IQCK: variants seen among roughly 807,000 people sequenced by gnomAD.
IQCK encodes IQ motif containing K, also known as IQ domain-containing protein K.
Under a neutral mutation model 28.1 loss-of-function variants are expected in IQCK, and 29 were observed. The ratio of observed to expected loss-of-function variants is 1.03; its 90% confidence interval spans 0.77 to 1.41. The LOEUF is 1.41. Among genes scored for constraint, IQCK ranks in the 40% most tolerant of loss-of-function variants. IQCK has a pLI of 0.00. For missense variants in IQCK, 359 were observed against 314.7 expected (o/e 1.14, Z -1.07); for synonymous variants, 113 against 115.1 (o/e 0.98, Z 0.12).
At chr16:19,803,509 T>G (rs1284411866) in intron 7 of IQCK, among the ~76,000 whole-genome samples, 1 of 152,194 alleles carries the variant, frequency 6.6e-6, no homozygotes, top group Non-Finnish European at 1.5e-5. Flanking sequence ...GACCCACTGA[T>G]GTATTGGAAT....
chr16:19,806,541 A>C (rs576887286), intron 7 of IQCK, among the ~76,000 whole-genome samples: 1 of 150,734 alleles, frequency 6.6e-6, no homozygotes, highest in African/African-American at 2.5e-5. Context: ...CAAAAAAAAA[A>C]TAGCTGAGTG....
At chr16:19,732,043 G>A (rs952629921) in intron 2 of IQCK, among the ~76,000 whole-genome samples, 1 of 152,206 alleles carries the variant, frequency 6.6e-6, no homozygotes, top group African/African-American at 2.4e-5. Context: ...AGGAGAAGAA[G>A]GGCGTCCTAG....
intron 6 of IQCK, among the ~76,000 whole-genome samples, chr16:19,775,058 T>C (rs2055371327): frequency 6.6e-6 from 1 of 151,932 alleles, no homozygotes; most frequent in South Asian, 2.1e-4. Context: ...AAATCCCATC[T>C]CTACTAAAGA....
chr16:19,781,651 C>T lies in IQCK; in HGVS notation c.606-7187C>T, dbSNP rs192946777. On this transcript the variant is annotated intron_variant, in intron 6 of 7. Transcript: ENST00000564186. ...GTCTGGGAGTACCATTCCAGATAAC[C>T]TCTGTTGTACTTTTTAGAAATATTT... Among the ~76,000 whole-genome samples the T allele has an allele frequency of 2.5e-3, 386 of 152,322 alleles. 1 individual carries two copies. Among genetic ancestry groups the T allele is most frequent in the Non-Finnish European group, 4.8e-3 (324 of 68,032 alleles).
At chr16:19,784,188 A>G (rs1469339872) in intron 6 of IQCK, among the ~76,000 whole-genome samples, 1 of 152,086 alleles carries the variant, frequency 6.6e-6, no homozygotes, top group Non-Finnish European at 1.5e-5. Flanking sequence ...GGCGTTTTCT[A>G]TGATTCTGCA....
intron 4 of IQCK, among the ~76,000 whole-genome samples, chr16:19,753,535 G>C (rs1349315011): frequency 6.6e-6 from 1 of 152,154 alleles, no homozygotes; most frequent in African/African-American, 2.4e-5. Flanking sequence ...CATAGTTTTT[G>C]CTGGGGAAAG....
chr16:19,857,357 T>C, exon 10 of IQCK: 1 of 401,038 alleles, frequency 2.5e-6, no homozygotes. Context: ...AAAACCTATC[T>C]GCCCATGGTT....
intron 1 of IQCK, among the ~76,000 whole-genome samples, chr16:19,727,549 T>TGG (rs1597496225): frequency 6.7e-6 from 1 of 149,976 alleles, no homozygotes; most frequent in East Asian, 2.0e-4. Context: ...ATCGTGCCAC[T>TGG]GCACTCCAGC....
chr16:19,811,219 C>T lies in IQCK; in HGVS notation c.691-15807C>T, dbSNP rs181099020. On this transcript the variant is annotated intron_variant, in intron 7 of 7. Coordinates refer to ENST00000564186, the Ensembl canonical transcript of IQCK. ...CCAGGAGGTTGAAGCCGCAGTGAGC[C>T]CAGATCATGCCACTGCACTCAAGCC... is the stretch of plus-strand genomic sequence containing the variant. Among the ~76,000 whole-genome samples, 558 of 152,226 alleles carry T rather than the reference C, an allele frequency of 3.7e-3. 2 individuals carry two copies. Among genetic ancestry groups the T allele is most frequent in the African/African-American group, 0.012 (514 of 41,516 alleles).
At chr16:19,775,035 G>A (rs2055370927) in intron 6 of IQCK, among the ~76,000 whole-genome samples, 1 of 151,948 alleles carries the variant, frequency 6.6e-6, no homozygotes, top group South Asian at 2.1e-4. Context: ...AGACCACCCT[G>A]GCCAACATGG....
intron 9 of IQCK, among the ~76,000 whole-genome samples, chr16:19,835,404 A>G (rs1385037577): frequency 6.6e-6 from 1 of 152,136 alleles, no homozygotes; most frequent in Admixed American, 6.5e-5. Flanking sequence ...GCTTCATGCC[A>G]GCACACACAG....
intron 6 of IQCK, among the ~76,000 whole-genome samples, chr16:19,778,077 G>A (rs1262769584): frequency 6.6e-6 from 1 of 152,084 alleles, no homozygotes; most frequent in Non-Finnish European, 1.5e-5. Context: ...CCAGTTCAGA[G>A]AGCCTGTGCG....
intron 7 of IQCK, among the ~76,000 whole-genome samples, chr16:19,823,261 C>T (rs1421501713): frequency 1.3e-5 from 2 of 152,094 alleles, no homozygotes; most frequent in African/African-American, 4.8e-5. Flanking sequence ...GTGGCATCCC[C>T]ATGGTCAGCA....
chr16:19,735,277 C>G (rs1221356149), intron 3 of IQCK, 76 bp from the exon 4 acceptor site: 1 of 1,016,096 alleles, frequency 9.8e-7, no homozygotes, highest in Non-Finnish European at 1.6e-6. Flanking sequence ...TTTTCTGGCT[C>G]AAAAGTAAAC....
At chr16:19,750,790 G>A (rs1291295425) in intron 4 of IQCK, among the ~76,000 whole-genome samples, 1 of 152,134 alleles carries the variant, frequency 6.6e-6, no homozygotes, top group East Asian at 1.9e-4. Flanking sequence ...TGCATTTAAA[G>A]CATTCAGTTA....
chr16:19,805,517 A>G (rs532415960), intron 7 of IQCK, among the ~76,000 whole-genome samples: 1 of 152,312 alleles, frequency 6.6e-6, no homozygotes, highest in East Asian at 1.9e-4. Flanking sequence ...CCCTGCCCTC[A>G]TGGAGCTTGC....
At chr16:19,723,306 G>C (rs1432477160) in intron 1 of IQCK, among the ~76,000 whole-genome samples, 2 of 152,140 alleles carry the variant, frequency 1.3e-5, no homozygotes, top group Admixed American at 1.3e-4. Context: ...ATAGCTTACA[G>C]ATAAACTCCT....
At chr16:19,824,336 T>G (rs1034712549) in intron 7 of IQCK, among the ~76,000 whole-genome samples, 2 of 152,176 alleles carry the variant, frequency 1.3e-5, no homozygotes, top group African/African-American at 4.8e-5. Flanking sequence ...TATGAGAATC[T>G]AATGCTGCCA....
At chr16:19,752,114 A>G (rs2054994837) in intron 4 of IQCK, among the ~76,000 whole-genome samples, 2 of 152,206 alleles carry the variant, frequency 1.3e-5, no homozygotes, top group Admixed American at 1.3e-4. Context: ...TGTAAATAGC[A>G]TTATGAAGAT....
Sources: gnomAD v4.1 joint callset for allele counts (sites outside exome capture counted in the v4.1 genomes callset) on GRCh38, gnomAD v4.1.1 for gene constraint, MANE v1.5 for transcripts, NCBI Gene and HGNC (gene_info 2026-07-23, HGNC 2026-07-21) for gene names.